STK32B: variants seen among roughly 807,000 people sequenced by gnomAD.
The protein encoded by STK32B is serine/threonine kinase 32B, also known as serine/threonine-protein kinase 32B.
Under a neutral mutation model 52.6 loss-of-function variants are expected in STK32B, and 43 were observed. The ratio of observed to expected loss-of-function variants is 0.82; its 90% confidence interval spans 0.64 to 1.05. The LOEUF (loss-of-function observed/expected upper bound fraction) is 1.05, where lower values mean the gene tolerates loss of function less well. Among genes scored for constraint, STK32B ranks in the 50% least tolerant of loss-of-function variants. The pLI is 0.00. For synonymous variants in STK32B, 238 were observed against 204.3 expected, an observed-to-expected ratio of 1.17 and a Z score of -1.41; for missense variants, 621 against 534.6, an observed-to-expected ratio of 1.16 and a Z score of -1.59.
chr4:5,253,677 CAG>C (rs1430846776), intron 3 of STK32B, among the ~76,000 whole-genome samples: 1 of 151,514 alleles, frequency 6.6e-6, no homozygotes, highest in Admixed American at 6.6e-5. Context: ...ACCCAGCCTG[CAG>C]AGTTTCAGTT....
chr4:5,404,995 T>A (rs919744683), intron 5 of STK32B, among the ~76,000 whole-genome samples: 1 of 150,506 alleles, frequency 6.6e-6, no homozygotes, highest in Non-Finnish European at 1.5e-5. Context: ...GCCTCCTAAG[T>A]AGCTGGGACT....
At chr4:5,153,824 A>G (rs1004912182) in intron 2 of STK32B, among the ~76,000 whole-genome samples, 2 of 152,204 alleles carry the variant, frequency 1.3e-5, no homozygotes, top group Admixed American at 1.3e-4. Flanking sequence ...TGAAAATATG[A>G]GTATAGCAAG....
At chr4:5,225,134 C>G (rs964005286) in intron 3 of STK32B, among the ~76,000 whole-genome samples, 2 of 152,010 alleles carry the variant, frequency 1.3e-5, no homozygotes, top group South Asian at 4.1e-4. Flanking sequence ...TAAATAAAAA[C>G]TGGGCCAGGC....
intron 11 of STK32B, among the ~76,000 whole-genome samples, chr4:5,486,909 G>C (rs1012386898): frequency 6.6e-6 from 1 of 152,262 alleles, no homozygotes; most frequent in South Asian, 2.1e-4. Context: ...ACTGGCACCA[G>C]TAAGATGTTG....
intron 10 of STK32B, 23 bp downstream of exon 10, chr4:5,466,857 T>G (rs1471486731): frequency 6.2e-7 from 1 of 1,607,736 alleles, no homozygotes; most frequent in Admixed American, 1.7e-5. Flanking sequence ...TGGGAGCCGT[T>G]CCGGGAGAGA....
intron 6 of STK32B, among the ~76,000 whole-genome samples, chr4:5,423,696 TG>T (rs1460560634): frequency 6.6e-6 from 1 of 152,060 alleles, no homozygotes; most frequent in African/African-American, 2.4e-5. Flanking sequence ...CAGGGGATGG[TG>T]GGTGCACTAG....
chr4:5,410,818 G>A (rs768474209), intron 5 of STK32B, among the ~76,000 whole-genome samples: 5 of 152,184 alleles, frequency 3.3e-5, no homozygotes, highest in Non-Finnish European at 7.3e-5. Context: ...TTTCTGGGTA[G>A]TTTATAAATA....
At chr4:5,279,538 C>A (rs751375054) in intron 3 of STK32B, among the ~76,000 whole-genome samples, 1 of 152,172 alleles carries the variant, frequency 6.6e-6, no homozygotes, top group Non-Finnish European at 1.5e-5. Flanking sequence ...GTACACAGTG[C>A]AAGCTGTCAG....
At chr4:5,331,450 G>A in intron 4 of STK32B, 57 bp downstream of exon 4, 2 of 1,553,262 alleles carry the variant, frequency 1.3e-6, no homozygotes, top group Non-Finnish European at 1.7e-6. Flanking sequence ...TAGGGTGTCA[G>A]GAGCAGTCTG....
chr4:5,181,733 A>G (rs1560204023), intron 3 of STK32B, among the ~76,000 whole-genome samples: 1 of 152,236 alleles, frequency 6.6e-6, no homozygotes, highest in East Asian at 1.9e-4. Context: ...AAAATACTTT[A>G]TTGCTAAAAA....
rs144989469 is a variant in STK32B at position 5,359,051 on chromosome 4, G to C, written c.434+27658G>C. ...ATTGATCAGCAAATGTTCTACGTGG[G>C]CTCACTTCAAGTCTTCTTGTGCAGG... On this transcript the variant is annotated intron_variant, in intron 4 of 11. Coordinates refer to ENST00000282908, the MANE Select transcript of STK32B (RefSeq NM_018401.3). 7.6e-4 allele frequency among the ~76,000 whole-genome samples: 116 copies of C among 152,292 alleles called. 1 individual carries two copies. Among genetic ancestry groups the C allele is most frequent in the African/African-American group, 2.6e-3 (106 of 41,554 alleles).
At chr4:5,244,463 C>T (rs559477220) in intron 3 of STK32B, among the ~76,000 whole-genome samples, 1 of 152,226 alleles carries the variant, frequency 6.6e-6, no homozygotes, top group East Asian at 1.9e-4. Context: ...TGATTCTTCT[C>T]TCTTTTCTTC....
chr4:5,075,417 A>G (rs1034433930), intron 1 of STK32B, among the ~76,000 whole-genome samples: 1 of 152,036 alleles, frequency 6.6e-6, no homozygotes, highest in South Asian at 2.1e-4. Flanking sequence ...ACTTTTTTAT[A>G]TGTCTTCTGT....
intron 9 of STK32B, among the ~76,000 whole-genome samples, chr4:5,463,693 A>G (rs1186236831): frequency 6.6e-6 from 1 of 152,058 alleles, no homozygotes; most frequent in Non-Finnish European, 1.5e-5. Context: ...GCCCACCTAC[A>G]GGGCAGTGAG....
At chr4:5,342,289 T>G (rs1733137371) in intron 4 of STK32B, among the ~76,000 whole-genome samples, 3 of 152,178 alleles carry the variant, frequency 2.0e-5, no homozygotes. Context: ...AGCAAAGACT[T>G]GGAACCAACC....
At chr4:5,299,414 C>A (rs562152646) in intron 3 of STK32B, among the ~76,000 whole-genome samples, 3 of 144,828 alleles carry the variant, frequency 2.1e-5, no homozygotes, top group East Asian at 2.0e-4. Flanking sequence ...TGAGGTCTTA[C>A]ATTTTTTTAA....
intron 1 of STK32B, among the ~76,000 whole-genome samples, chr4:5,053,897 T>TA (rs1419179125): frequency 2.0e-5 from 3 of 151,694 alleles, no homozygotes; most frequent in African/African-American, 4.9e-5. Flanking sequence ...GAGAATCGCT[T>TA]GAACCCGGGA....
intron 3 of STK32B, among the ~76,000 whole-genome samples, chr4:5,291,959 A>G (rs567115043): frequency 6.6e-6 from 1 of 152,222 alleles, no homozygotes; most frequent in African/African-American, 2.4e-5. Context: ...CATCGCCCAG[A>G]TAGCAAACCT....
the STK32B span, among the ~76,000 whole-genome samples, chr4:5,046,272 C>T: frequency 5.3e-5 from 8 of 152,240 alleles, no homozygotes; most frequent in East Asian, 1.4e-3. Flanking sequence ...GGGAAAGGAT[C>T]TCCTATTCAA....
Sources: allele counts gnomAD v4.1 joint callset (sites outside exome capture counted in the v4.1 genomes callset), GRCh38; gene constraint gnomAD v4.1.1; transcripts MANE v1.5; gene names NCBI Gene and HGNC (gene_info 2026-07-23, HGNC 2026-07-21).